The following PGM5 variants were observed in gnomAD, a reference collection of about 807,000 sequenced individuals.
The protein encoded by PGM5 is phosphoglucomutase 5, also known as phosphoglucomutase-like protein 5.
PGM5 carries 23 observed loss-of-function variants against 59.2 expected under a neutral mutation model. The observed-to-expected ratio is 0.39, with a 90% CI of 0.28 to 0.55. The LOEUF (loss-of-function observed/expected upper bound fraction) is 0.55, where lower values mean the gene tolerates loss of function less well. Among genes scored for constraint, PGM5 ranks in the 20% least tolerant of loss-of-function variants. The pLI is 0.66. For synonymous variants in PGM5, 214 were observed against 286.0 expected, an observed-to-expected ratio of 0.75 and a Z score of 2.54; for missense variants, 574 against 748.3, an observed-to-expected ratio of 0.77 and a Z score of 2.72.
intron 1 of PGM5, among the ~76,000 whole-genome samples, chr9:68,373,869 A>C (rs1587774213): frequency 1.3e-5 from 2 of 152,358 alleles, no homozygotes; most frequent in East Asian, 1.9e-4. Context: ...CTAGAGCCAC[A>C]TGATTACCTG....
chr9:68,495,637 A>G (rs1478920298), intron 9 of PGM5, among the ~76,000 whole-genome samples: 2 of 152,192 alleles, frequency 1.3e-5, no homozygotes, highest in Non-Finnish European at 2.9e-5. Flanking sequence ...GCAATTTAAT[A>G]AATTCATTTA....
intron 10 of PGM5, among the ~76,000 whole-genome samples, chr9:68,514,539 A>T (rs1286358565): frequency 6.6e-6 from 1 of 152,126 alleles, no homozygotes; most frequent in African/African-American, 2.4e-5. Context: ...GAGGCGGTGG[A>T]GGTTGTGGTG....
chr9:68,450,377 A>T (rs894878242), intron 6 of PGM5, among the ~76,000 whole-genome samples: 1 of 152,216 alleles, frequency 6.6e-6, no homozygotes, highest in Non-Finnish European at 1.5e-5. Context: ...CACATTTTTA[A>T]TTAGCACCCC....
chr9:68,416,363 T>C (rs1428983454), intron 6 of PGM5, among the ~76,000 whole-genome samples: 2 of 152,186 alleles, frequency 1.3e-5, no homozygotes, highest in East Asian at 1.9e-4. Flanking sequence ...GTGTTTTTCA[T>C]GGGCCCCTAG....
chr9:68,371,237 C>A (rs1554677141), intron 1 of PGM5, among the ~76,000 whole-genome samples: 5 of 152,226 alleles, frequency 3.3e-5, no homozygotes, highest in Non-Finnish European at 7.3e-5. Flanking sequence ...CAGCGGGGAG[C>A]AACAGAATGC....
intron 10 of PGM5, among the ~76,000 whole-genome samples, chr9:68,509,994 CA>C (rs1824720695): frequency 6.6e-6 from 1 of 152,102 alleles, no homozygotes; most frequent in African/African-American, 2.4e-5. Context: ...AGAATAAAAA[CA>C]CCAGCTTAAC....
chr9:68,451,105 A>T (rs1823689489), intron 6 of PGM5, among the ~76,000 whole-genome samples: 1 of 152,110 alleles, frequency 6.6e-6, no homozygotes, highest in Non-Finnish European at 1.5e-5. Flanking sequence ...AAACACATAC[A>T]AGCATACACA....
At chr9:68,376,906 T>TTTTTTCTTTCTTTCTC (rs1563985098) in intron 1 of PGM5, among the ~76,000 whole-genome samples, 1 of 60,056 alleles carries the variant, frequency 1.7e-5, no homozygotes, top group African/African-American at 6.7e-5. Context: ...TTCTCTCTCT[T>TTTTTTCTTTCTTTCTC]TCTTTCTTTC....
chr9:68,395,957 C>T (rs558657165), intron 6 of PGM5: 1 of 151,116 alleles, frequency 6.6e-6, no homozygotes, highest in South Asian at 2.1e-4. Flanking sequence ...CTACACCCTT[C>T]CTTTAAAAAA....
rs1301973293 is a variant in PGM5 at position 68,384,762 on chromosome 9, C to T, written c.571+218C>T. Among the ~76,000 whole-genome samples the T allele has an allele frequency of 2.0e-5, 3 of 149,234 alleles. No homozygotes were observed. The East Asian group carries it at 5.9e-4, about 29-fold the overall frequency. On this transcript the variant is annotated intron_variant, in intron 3 of 10. Transcript: ENST00000396396. ...AAAAACCACTTCCCAAACTCGATAT[C>T]ATTTTCAACATAGGAAAAGTTTTAT...
intron 10 of PGM5, among the ~76,000 whole-genome samples, chr9:68,514,687 G>C (rs1554689604): frequency 6.6e-6 from 1 of 152,124 alleles, no homozygotes; most frequent in East Asian, 1.9e-4. Flanking sequence ...TGACCTTTGG[G>C]ATCCTTATTT....
intron 2 of PGM5, among the ~76,000 whole-genome samples, chr9:68,383,777 G>A (rs57431537): frequency 0.2 from 28,811 of 145,676 alleles, 3,130 homozygotes; most frequent in South Asian, 0.36. Context: ...ACCCCAAAAG[G>A]TGAACAAGTA....
intron 9 of PGM5, among the ~76,000 whole-genome samples, chr9:68,495,684 G>A (rs962893640): frequency 5.3e-5 from 8 of 152,206 alleles, no homozygotes; most frequent in Admixed American, 2.0e-4. Flanking sequence ...GTTGATTTGA[G>A]CCAAATACAG....
At chr9:68,359,539 T>C (rs1834536788) in intron 1 of PGM5, among the ~76,000 whole-genome samples, 1 of 152,184 alleles carries the variant, frequency 6.6e-6, no homozygotes, top group Non-Finnish European at 1.5e-5. Flanking sequence ...AGGAGAAAGG[T>C]GGTCTAAAAG....
chr9:68,465,096 G>A lies in PGM5; in HGVS notation c.1047G>A (p.Val349=). 2.5e-6 allele frequency: 4 copies of A among 1,585,844 alleles called. No homozygotes were observed. The highest frequency in any genetic ancestry group is 3.5e-6 in the Non-Finnish European group (4 of 1,158,264). ...TTTCTCAAATTTCATTTTTCAGAGT[G>A]GCCAAATCAATGAAGGTCCCTGTAT... ...SMPTSMALDR[V]AKSMKVPVYE... Residue 349 remains valine, a synonymous_variant, in exon 7 of 11, where the codon GTG becomes GTA. Coordinates refer to ENST00000396396, the MANE Select transcript of PGM5 (RefSeq NM_021965.4).
chr9:68,413,590 A>G (rs1230008357), intron 6 of PGM5, among the ~76,000 whole-genome samples: 2 of 152,246 alleles, frequency 1.3e-5, no homozygotes, highest in African/African-American at 2.4e-5. Context: ...TGTATCTGAC[A>G]CTTAAAATAT....
chr9:68,366,433 G>C (rs1356872027), intron 1 of PGM5, among the ~76,000 whole-genome samples: 1 of 152,224 alleles, frequency 6.6e-6, no homozygotes, highest in Non-Finnish European at 1.5e-5. Context: ...GCAATGACTG[G>C]AATATTGTGT....
rs1554678028 is a variant in PGM5, at chr9:68,378,378, A to G, written c.424+17A>G. ...CCAATGGAGGTATGTGGTTCAGCAT[A>G]TGCCTTAATAATTACGATTTCTTTC... is the stretch of plus-strand genomic sequence containing the variant. On this transcript the variant is annotated intron_variant, in intron 2 of 10. Transcript: ENST00000396396. 2 of 1,585,204 alleles carry G rather than the reference A, an allele frequency of 1.3e-6. No individual in the cohort carries two copies. The highest frequency in any genetic ancestry group is 1.7e-6 in the Non-Finnish European group (2 of 1,167,754).
chr9:68,523,545 G>C (rs892008234), intron 10 of PGM5, among the ~76,000 whole-genome samples: 1 of 152,214 alleles, frequency 6.6e-6, no homozygotes, highest in East Asian at 1.9e-4. Flanking sequence ...AGGTTTAGCA[G>C]GTTTTAAACA....
Sources: gnomAD v4.1 joint callset for allele counts (sites outside exome capture counted in the v4.1 genomes callset) on GRCh38, gnomAD v4.1.1 for gene constraint, MANE v1.5 for transcripts, NCBI Gene and HGNC (gene_info 2026-07-23, HGNC 2026-07-21) for gene names.